The following ZFP64 variants were observed in gnomAD, a reference collection of about 807,000 sequenced individuals.
The protein encoded by ZFP64 is zinc finger protein 64.
Under a neutral mutation model 51.6 loss-of-function variants are expected in ZFP64, and 14 were observed. That is an observed-to-expected ratio of 0.27 (90% CI 0.18 to 0.42). ZFP64 has a LOEUF of 0.42. Among genes scored for constraint, ZFP64 ranks in the 10% least tolerant of loss-of-function variants. The pLI, the probability that ZFP64 is intolerant of heterozygous loss-of-function variation, is 1.00. For synonymous variants in ZFP64, 375 were observed against 361.4 expected (o/e 1.04, Z -0.43); for missense variants, 754 against 906.8 (o/e 0.83, Z 2.16).
chr20:52,111,057 G>A lies in ZFP64; in HGVS notation c.764-12470C>T, dbSNP rs985561133. On this transcript the variant is annotated intron_variant, in intron 5 of 8. Coordinates refer to the ZFP64 transcript ENST00000361387. Reference sequence around the variant, plus strand: ...GCAGGCCGCTGCTGCCATGCGGAGCGGAGAGGAGCAGGAAGCCCAGGAGAA... The same window carrying A: ...GCAGGCCGCTGCTGCCATGCGGAGCAGAGAGGAGCAGGAAGCCCAGGAGAA... 38 of 1,301,098 alleles carry A rather than the reference G, an allele frequency of 2.9e-5. 1 individual carries two copies. The highest frequency in any genetic ancestry group is 3.6e-4 in the Middle Eastern group (2 of 5,496). The allele number at this position is 1,301,098 out of a possible 1,614,324, so 80.6% of individuals were successfully genotyped here. A position where few individuals can be genotyped will look rare whatever the true frequency, so the allele number is the denominator to read the frequency against.
chr20:52,094,931 C>G (rs1260041908), intron 7 of ZFP64, among the ~76,000 whole-genome samples: 1 of 152,146 alleles, frequency 6.6e-6, no homozygotes, highest in Non-Finnish European at 1.5e-5. Flanking sequence ...TTGAGGCATG[C>G]CCAAAGCATG....
At chr20:52,088,419 G>A in exon 8 of ZFP64, 1 of 1,611,044 alleles carries the variant, frequency 6.2e-7, no homozygotes, top group South Asian at 1.1e-5. Context: ...TGGACGGTGA[G>A]CTGGCTGGAG....
At position 52,191,650 on chromosome 20, in the gene ZFP64, G is replaced by T; in HGVS notation, c.-14C>A. On this transcript the variant is annotated 5_prime_UTR_variant, in exon 1 of 6. Transcript: ENST00000216923. The surrounding 1 kb of genome is among the most constrained non-coding windows in gnomAD (Gnocchi z 4.3). ...GCTCGCGTTCATGGCCGCAGACTGG[G>T]AGGTCCCCGGCCGGCCGGGATGCCA... The T allele has an allele frequency of 6.3e-7, 1 of 1,582,312 alleles. No individual in the cohort carries two copies. Among genetic ancestry groups the T allele is most frequent in the Non-Finnish European group, 8.6e-7 (1 of 1,167,676 alleles).
rs771355658 is a variant in ZFP64, at chr20:52,191,298, G to C, written c.46+293C>G. 4.6e-5 allele frequency among the ~76,000 whole-genome samples: 7 copies of C among 152,170 alleles called. No homozygotes were observed. The highest frequency in any genetic ancestry group is 7.4e-5 in the Non-Finnish European group (5 of 68,016). ...GCCTGATGGGGCGGGAATGCCCTTA[G>C]GGGGTGGCGATTGTCTGAACGGCGT... On this transcript the variant is annotated intron_variant, in intron 1 of 5. Transcript: ENST00000216923. The surrounding 1 kb of genome is among the most constrained non-coding windows in gnomAD (Gnocchi z 4.3).
intron 5 of ZFP64, among the ~76,000 whole-genome samples, chr20:52,120,175 G>A (rs898927521): frequency 2.6e-5 from 4 of 152,152 alleles, no homozygotes; most frequent in African/African-American, 4.8e-5. Context: ...GCCAGACACC[G>A]AATCTGCCAG....
At chr20:52,155,272 T>C (rs1981218189) in intron 5 of ZFP64, among the ~76,000 whole-genome samples, 1 of 152,200 alleles carries the variant, frequency 6.6e-6, no homozygotes, top group African/African-American at 2.4e-5. Context: ...GCGACAACTT[T>C]ACATGCACTG....
chr20:52,166,696 TCTAC>T (rs1177641727), intron 2 of ZFP64, among the ~76,000 whole-genome samples: 1 of 152,176 alleles, frequency 6.6e-6, no homozygotes, highest in Non-Finnish European at 1.5e-5. Flanking sequence ...GCTCAAGTGA[TCTAC>T]CTGTCTCTGC....
At chr20:52,084,637 T>G (rs2078844278) in exon 9 of ZFP64, 1 of 1,614,074 alleles carries the variant, frequency 6.2e-7, no homozygotes, top group African/African-American at 1.3e-5. Flanking sequence ...GAGGCACCGC[T>G]TTCCGGTGGG....
chr20:52,147,221 A>C (rs1251181579), downstream of ZFP64, among the ~76,000 whole-genome samples: 1 of 151,600 alleles, frequency 6.6e-6, no homozygotes, highest in Non-Finnish European at 1.5e-5. Flanking sequence ...TTTTTTTTTG[A>C]GATGGAGTTG....
intron 5 of ZFP64, among the ~76,000 whole-genome samples, chr20:52,133,266 A>G (rs895746509): frequency 2.0e-5 from 3 of 152,196 alleles, no homozygotes; most frequent in Non-Finnish European, 4.4e-5. Context: ...ATAGGGAAAA[A>G]CTGAAAGATT....
In ZFP64 at chr20:52,117,623, GAAAAC is replaced by G. The variant is rs955560026; in HGVS notation, c.764-19041_764-19037del. On this transcript the variant is annotated intron_variant, in intron 5 of 8. Coordinates refer to the ZFP64 transcript ENST00000361387. ...GACAGAGCGAAACTCTGTCTCAAAA[GAAAAC>G]AAAACAAAACACAAAAAAGAAGATT... The G allele has an allele frequency of 2.0e-5, 9 of 456,072 alleles. 1 individual carries two copies. Among genetic ancestry groups the G allele is most frequent in the Middle Eastern group, 3.2e-4 (1 of 3,098 alleles). The allele number at this position is 456,072 out of a possible 1,614,324, so 28.3% of individuals were successfully genotyped here. A position where few individuals can be genotyped will look rare whatever the true frequency, so the allele number is the denominator to read the frequency against.
intron 1 of ZFP64, among the ~76,000 whole-genome samples, chr20:52,189,192 T>G (rs950336126): frequency 1.3e-5 from 2 of 151,596 alleles, no homozygotes; most frequent in African/African-American, 4.8e-5. Context: ...CAACAAGAGA[T>G]CAAGACTATC....
At chr20:52,165,186 G>A (rs6021770) in intron 3 of ZFP64, 114,597 of 457,284 alleles carry the variant, frequency 0.25, 15,228 homozygotes, top group Admixed American at 0.35. Context: ...AAAGGACATC[G>A]GTGGGACACT....
chr20:52,119,576 A>AACACAAACAC (rs1979071521), intron 5 of ZFP64, among the ~76,000 whole-genome samples: 1 of 132,554 alleles, frequency 7.5e-6, no homozygotes, highest in African/African-American at 2.9e-5. Context: ...ATACACACAC[A>AACACAAACAC]ACACACACAC....
At chr20:52,111,085 G>A (rs377269230) in intron 5 of ZFP64, 1 of 1,029,144 alleles carries the variant, frequency 9.7e-7, no homozygotes, top group South Asian at 1.3e-5. Flanking sequence ...CAGGAGAAGG[G>A]GAAGCGGCAG....
At chr20:52,150,103 G>C (rs1980718297), downstream of ZFP64, among the ~76,000 whole-genome samples, 1 of 151,690 alleles carries the variant, frequency 6.6e-6, no homozygotes, top group Non-Finnish European at 1.5e-5. Context: ...TACTCAGGAG[G>C]CTGAGGCAGG....
At chr20:52,130,343 AG>A (rs766744051) in intron 5 of ZFP64, among the ~76,000 whole-genome samples, 10 of 152,270 alleles carry the variant, frequency 6.6e-5, no homozygotes, top group East Asian at 5.8e-4. Flanking sequence ...CCTCCAAAGT[AG>A]CTGAGACTAC....
chr20:52,093,443 A>G (rs1010031120), intron 7 of ZFP64, among the ~76,000 whole-genome samples: 4 of 152,168 alleles, frequency 2.6e-5, no homozygotes, highest in African/African-American at 9.6e-5. Context: ...CCCAGCCATC[A>G]GGAGATTTTT....
intron 5 of ZFP64, among the ~76,000 whole-genome samples, chr20:52,141,913 G>C (rs1980273299): frequency 6.6e-6 from 1 of 152,134 alleles, no homozygotes. Flanking sequence ...AGATGAAACT[G>C]GAGGCTATTA....
Sources: allele counts gnomAD v4.1 joint callset (sites outside exome capture counted in the v4.1 genomes callset), GRCh38; gene constraint gnomAD v4.1.1; non-coding constraint Gnocchi (gnomAD v3.1); transcripts MANE v1.5; gene names NCBI Gene and HGNC (gene_info 2026-07-23, HGNC 2026-07-21).